AGPAT3: variants seen among roughly 807,000 people sequenced by gnomAD.
The protein encoded by AGPAT3 is 1-acylglycerol-3-phosphate O-acyltransferase 3.
Under a neutral mutation model 47.3 loss-of-function variants are expected in AGPAT3, and 5 were observed. That is an observed-to-expected ratio of 0.11 (90% CI 0.06 to 0.22). AGPAT3 has a LOEUF of 0.22. Among genes scored for constraint, AGPAT3 ranks in the 10% least tolerant of loss-of-function variants. The probability of loss-of-function intolerance (pLI) is 1.00; values close to 1 mark genes in which losing one functional copy is unlikely to be tolerated. For synonymous variants in AGPAT3, 212 were observed against 208.3 expected (o/e 1.02, Z -0.15); for missense variants, 315 against 493.0 (o/e 0.64, Z 3.42).
At chr21:43,917,943 TGTG>T (rs1354772062) in intron 2 of AGPAT3, among the ~76,000 whole-genome samples, 1 of 40,518 alleles carries the variant, frequency 2.5e-5, no homozygotes, top group South Asian at 1.1e-3. Flanking sequence ...TTGTGGGTGT[TGTG>T]GGGGTTGTAG....
At chr21:43,938,401 G>A (rs1190095856) in intron 2 of AGPAT3, among the ~76,000 whole-genome samples, 5 of 143,924 alleles carry the variant, frequency 3.5e-5, no homozygotes, top group Admixed American at 2.2e-4. Context: ...TCTGCCTCCC[G>A]AGTTCAAGCG....
chr21:43,870,436 G>A (rs1461189697), intron 1 of AGPAT3, among the ~76,000 whole-genome samples: 1 of 151,984 alleles, frequency 6.6e-6, no homozygotes, highest in Non-Finnish European at 1.5e-5. Flanking sequence ...TTGGGTCCCC[G>A]GGTGGTGGTT....
intron 1 of AGPAT3, among the ~76,000 whole-genome samples, chr21:43,882,041 C>T (rs552936028): frequency 7.9e-5 from 12 of 152,382 alleles, no homozygotes; most frequent in Non-Finnish European, 1.5e-4. Flanking sequence ...CCGGCATTTG[C>T]AGCTCACGTG....
chr21:43,878,108 G>GC (rs1205413692), intron 1 of AGPAT3, among the ~76,000 whole-genome samples: 3 of 151,972 alleles, frequency 2.0e-5, no homozygotes, highest in East Asian at 1.9e-4. Flanking sequence ...TGCTTGCTCA[G>GC]CCCCCACCCG....
At chr21:43,943,921 TCTTTCA>T in intron 2 of AGPAT3, among the ~76,000 whole-genome samples, 1 of 152,330 alleles carries the variant, frequency 6.6e-6, no homozygotes, top group East Asian at 1.9e-4. Flanking sequence ...TCCCGCCGCA[TCTTTCA>T]CCTGGAGTGG....
chr21:43,869,689 G>A (rs1234411470), intron 1 of AGPAT3, among the ~76,000 whole-genome samples: 1 of 152,182 alleles, frequency 6.6e-6, no homozygotes, highest in African/African-American at 2.4e-5. Flanking sequence ...CCAGCCCAGT[G>A]CCAAGTGGAC....
At chr21:43,901,122 CGA>C (rs1422810800) in intron 1 of AGPAT3, among the ~76,000 whole-genome samples, 1 of 151,976 alleles carries the variant, frequency 6.6e-6, no homozygotes, top group East Asian at 1.9e-4. Context: ...GGCCACATAG[CGA>C]GACCCTGTCT....
chr21:43,909,292 ATTTTT>A (rs11365476), intron 2 of AGPAT3, among the ~76,000 whole-genome samples: 1,072 of 102,306 alleles, frequency 0.01, 16 homozygotes, highest in African/African-American at 0.036. Context: ...TTTCATACAC[ATTTTT>A]TTTTTTTTTT....
chr21:43,881,411 C>T (rs548573325), intron 1 of AGPAT3, among the ~76,000 whole-genome samples: 6 of 152,278 alleles, frequency 3.9e-5, no homozygotes, highest in South Asian at 2.1e-4. Flanking sequence ...GGAAGGATGT[C>T]GCCCTCAGAG....
intron 1 of AGPAT3, among the ~76,000 whole-genome samples, chr21:43,903,447 T>A (rs2086403351): frequency 6.6e-6 from 1 of 152,222 alleles, no homozygotes; most frequent in East Asian, 1.9e-4. Flanking sequence ...AAACACGGGC[T>A]TTTTCCTGGT....
intron 2 of AGPAT3, among the ~76,000 whole-genome samples, chr21:43,944,764 G>A (rs562518184): frequency 1.5e-4 from 23 of 152,340 alleles, no homozygotes; most frequent in African/African-American, 5.3e-4. Flanking sequence ...AAGAAAAGAG[G>A]GAGCCCAGGA....
intron 1 of AGPAT3, among the ~76,000 whole-genome samples, chr21:43,884,330 G>C (rs377140586): frequency 1.3e-5 from 2 of 148,998 alleles, no homozygotes; most frequent in Non-Finnish European, 3.0e-5. Flanking sequence ...ATAGATAAGC[G>C]GTTTCTAATG....
At position 43,987,026 on chromosome 21, in the gene AGPAT3, G is replaced by A. The variant is rs1366178356; in HGVS notation, c.*4634G>A. 3.9e-5 allele frequency among the ~76,000 whole-genome samples: 6 copies of A among 152,236 alleles called. No homozygotes were observed. Among genetic ancestry groups the A allele is most frequent in the Non-Finnish European group, 7.3e-5 (5 of 68,044 alleles). ...GACCTGTGTACACAGGCAGGTGTGC[G>A]CCTGCCCGAGCGCGAGTAGCTCTTG... On this transcript the variant is annotated 3_prime_UTR_variant, in exon 10 of 10. Transcript: ENST00000291572.
chr21:43,900,361 A>G (rs1307344440), intron 1 of AGPAT3, among the ~76,000 whole-genome samples: 4 of 152,172 alleles, frequency 2.6e-5, no homozygotes, highest in African/African-American at 9.7e-5. Flanking sequence ...AGCCAAACAA[A>G]AGTGCATGAA....
intron 4 of AGPAT3, 133 bp from the exon 5 acceptor site, chr21:43,968,985 G>C (rs1040346751): frequency 2.2e-6 from 2 of 901,602 alleles, no homozygotes; most frequent in African/African-American, 1.7e-5. Context: ...CTTCACAGCA[G>C]ACCCCCTGAG....
At chr21:43,927,465 T>C (rs1265092902) in intron 2 of AGPAT3, among the ~76,000 whole-genome samples, 1 of 152,162 alleles carries the variant, frequency 6.6e-6, no homozygotes, top group Admixed American at 6.5e-5. Context: ...TTTTTGTTTC[T>C]TCCCAGTCCA....
rs545290155 is a variant in AGPAT3 at position 43,879,929 on chromosome 21, C to T, written c.-112+14584C>T. Among the ~76,000 whole-genome samples the T allele has an allele frequency of 1.8e-4, 28 of 152,242 alleles. No individual in the cohort carries two copies. In the South Asian group the frequency reaches 5.2e-3, roughly 28 times the overall value. On this transcript the variant is annotated intron_variant, in intron 1 of 9. Coordinates refer to ENST00000291572, the MANE Select transcript of AGPAT3 (RefSeq NM_020132.5). ...TGCTTCCCGTGAGCTCCCGTGTCCC[C>T]GCATCCTGGCATGTGGGCCTCTCCC...
chr21:43,916,527 A>G (rs2086733996), intron 2 of AGPAT3: 2 of 146,902 alleles, frequency 1.4e-5, no homozygotes, highest in African/African-American at 2.5e-5. Flanking sequence ...ATTGTCTAAT[A>G]TCAAGATATT....
chr21:43,958,450 A>C (rs2088598589), intron 2 of AGPAT3, among the ~76,000 whole-genome samples: 1 of 149,396 alleles, frequency 6.7e-6, no homozygotes, highest in Non-Finnish European at 1.5e-5. Context: ...GGTTTGTGCT[A>C]CAGTGTGTGT....
Sources: allele counts gnomAD v4.1 joint callset (sites outside exome capture counted in the v4.1 genomes callset), GRCh38; gene constraint gnomAD v4.1.1; transcripts MANE v1.5; gene names NCBI Gene and HGNC (gene_info 2026-07-23, HGNC 2026-07-21).